GRM7: variants seen among roughly 807,000 people sequenced by gnomAD.
The protein encoded by GRM7 is glutamate metabotropic receptor 7, also known as metabotropic glutamate receptor 7.
A neutral mutation model predicts 84.5 loss-of-function variants in GRM7; 35 were observed. The ratio of observed to expected loss-of-function variants is 0.41; its 90% CI spans 0.32 to 0.55. The LOEUF is 0.55. Among genes scored for constraint, GRM7 ranks in the 20% least tolerant of loss-of-function variants. GRM7 has a pLI of 0.19. For synonymous variants in GRM7, 487 were observed against 455.1 expected (o/e 1.07, Z -0.89); for missense variants, 1,003 against 1,194.6 (o/e 0.84, Z 2.36).
chr3:7,365,476 A>G (rs539185219), intron 4 of GRM7, among the ~76,000 whole-genome samples: 1 of 151,628 alleles, frequency 6.6e-6, no homozygotes, highest in African/African-American at 2.4e-5. Flanking sequence ...CAGTTCACTG[A>G]TTATCTCTTT....
chr3:7,171,131 C>G (rs73124132), intron 2 of GRM7, among the ~76,000 whole-genome samples: 1,738 of 152,260 alleles, frequency 0.011, 31 homozygotes, highest in African/African-American at 0.04. Context: ...TTCCTGAAGT[C>G]TGGAAGTCTG....
intron 9 of GRM7, among the ~76,000 whole-genome samples, chr3:7,702,497 A>C (rs1701262123): frequency 6.6e-6 from 1 of 152,248 alleles, no homozygotes; most frequent in Non-Finnish European, 1.5e-5. Context: ...CTGGCTTCAA[A>C]GAGCCATTAT....
chr3:6,975,646 G>A (rs1170509011), intron 1 of GRM7, among the ~76,000 whole-genome samples: 1 of 152,080 alleles, frequency 6.6e-6, no homozygotes, highest in Non-Finnish European at 1.5e-5. Context: ...ATGTGCTTAC[G>A]ATGCTCTCTG....
At position 6,928,399 on chromosome 3, in the gene GRM7, T is replaced by C. The variant is rs928865026; in HGVS notation, c.519+66492T>C. Among the ~76,000 whole-genome samples, 2 of 152,194 alleles carry C rather than the reference T, an allele frequency of 1.3e-5. No homozygotes were observed. Among genetic ancestry groups the C allele is most frequent in the East Asian group, 1.9e-4 (1 of 5,204 alleles). ...TACTCACACAGTGAATTTGCATTGA[T>C]ATTCGATATAGGCATCATGGCATAT... is the stretch of plus-strand genomic sequence containing the variant. On this transcript the variant is annotated intron_variant, in intron 1 of 9. Transcript: ENST00000357716. This position sits in a 1 kb window ranked among gnomAD's most constrained non-coding sequence, Gnocchi z 4.5.
chr3:7,439,150 A>T (rs191408225), intron 5 of GRM7, among the ~76,000 whole-genome samples: 2 of 152,314 alleles, frequency 1.3e-5, no homozygotes, highest in East Asian at 3.9e-4. Context: ...CTGTTGGAAT[A>T]AAATTGTCCA....
chr3:6,930,950 G>C (rs1291220421), intron 1 of GRM7, among the ~76,000 whole-genome samples: 2 of 152,130 alleles, frequency 1.3e-5, no homozygotes, highest in African/African-American at 4.8e-5. Context: ...CCTCAAATGT[G>C]AACTGCCTCC....
At chr3:7,444,556 A>G (rs1697424225) in intron 5 of GRM7, among the ~76,000 whole-genome samples, 1 of 152,202 alleles carries the variant, frequency 6.6e-6, no homozygotes. Flanking sequence ...ATTACCCACA[A>G]CAAATTGCTC....
chr3:7,377,695 A>G (rs1035683188), intron 4 of GRM7, among the ~76,000 whole-genome samples: 12 of 152,218 alleles, frequency 7.9e-5, no homozygotes, highest in African/African-American at 2.9e-4. Flanking sequence ...TCCCTGCAAG[A>G]CATGAACTAA....
At chr3:7,108,861 T>C (rs1692744519) in intron 1 of GRM7, among the ~76,000 whole-genome samples, 1 of 152,110 alleles carries the variant, frequency 6.6e-6, no homozygotes, top group Non-Finnish European at 1.5e-5. Flanking sequence ...CAGATAAAGT[T>C]TCCAATTTTC....
chr3:7,250,699 T>C (rs536166798), intron 2 of GRM7, among the ~76,000 whole-genome samples: 8 of 152,130 alleles, frequency 5.3e-5, no homozygotes, highest in South Asian at 4.2e-4. Context: ...AATTTTTGTA[T>C]TTTTAGTAGA....
intron 2 of GRM7, among the ~76,000 whole-genome samples, chr3:7,251,259 A>T (rs1697974855): frequency 6.6e-6 from 1 of 152,102 alleles, no homozygotes; most frequent in African/African-American, 2.4e-5. Flanking sequence ...AAAGAATTTT[A>T]ATGCTTTCAA....
At chr3:6,923,455 CAA>C (rs1697194229) in intron 1 of GRM7, among the ~76,000 whole-genome samples, 1 of 152,124 alleles carries the variant, frequency 6.6e-6, no homozygotes, top group Non-Finnish European at 1.5e-5. Flanking sequence ...TAAACTCTCA[CAA>C]GAAAAAAATG....
intron 4 of GRM7, among the ~76,000 whole-genome samples, chr3:7,414,145 G>A (rs757144511): frequency 1.3e-5 from 2 of 152,044 alleles, no homozygotes; most frequent in Non-Finnish European, 2.9e-5. Context: ...CCATTTTTAT[G>A]GCCTTACAGG....
chr3:7,432,689 A>G (rs1026528646), intron 5 of GRM7, among the ~76,000 whole-genome samples: 6 of 152,192 alleles, frequency 3.9e-5, no homozygotes, highest in African/African-American at 1.4e-4. Flanking sequence ...CATGAAATAG[A>G]TGAATAAATG....
At chr3:7,145,962 G>A (rs1694096573) in intron 1 of GRM7, among the ~76,000 whole-genome samples, 1 of 152,170 alleles carries the variant, frequency 6.6e-6, no homozygotes, top group East Asian at 1.9e-4. Context: ...GATAATGCTT[G>A]TGACTTACTT....
At chr3:6,958,356 T>G (rs1443619695) in intron 1 of GRM7, among the ~76,000 whole-genome samples, 1 of 152,164 alleles carries the variant, frequency 6.6e-6, no homozygotes, top group African/African-American at 2.4e-5. Flanking sequence ...AATTGATAAA[T>G]TATTTACTTT....
chr3:7,036,809 A>C (rs201940945), intron 1 of GRM7, among the ~76,000 whole-genome samples: 151,240 of 152,256 alleles, frequency 0.99, 75,121 homozygotes, highest in African/African-American at 1. Flanking sequence ...CTTGCTATAT[A>C]TAACTATTAT....
rs376986814 is a variant in GRM7 at position 7,342,815 on chromosome 3, TC to T, written c.1033+36165del. On this transcript the variant is annotated intron_variant, in intron 4 of 9. Transcript: ENST00000357716. ...TGTGGTTGAGATAATAGAATCAAGA[TC>T]CAGGCAGCCTGCTGACATGCCAGCT... Among the ~76,000 whole-genome samples the T allele has an allele frequency of 2.3e-4, 35 of 152,228 alleles. 1 individual carries two copies. In the East Asian group the frequency reaches 4.5e-3, roughly 19 times the overall value.
chr3:7,233,763 G>A (rs1697265303), intron 2 of GRM7, among the ~76,000 whole-genome samples: 1 of 152,058 alleles, frequency 6.6e-6, no homozygotes, highest in Non-Finnish European at 1.5e-5. Flanking sequence ...TTTACAAAAT[G>A]ACTCCGAACT....
Sources: gnomAD v4.1 joint callset for allele counts (sites outside exome capture counted in the v4.1 genomes callset) on GRCh38, gnomAD v4.1.1 for gene constraint, Gnocchi (gnomAD v3.1) non-coding constraint, MANE v1.5 for transcripts, NCBI Gene and HGNC (gene_info 2026-07-23, HGNC 2026-07-21) for gene names.